PRIM2: variants seen among roughly 807,000 people sequenced by gnomAD.
The protein encoded by PRIM2 is DNA primase large subunit.
In PRIM2, 39 loss-of-function variants were observed where a neutral mutation model predicts 67.3. That is an observed-to-expected ratio of 0.58 (90% CI 0.45 to 0.76). The LOEUF (loss-of-function observed/expected upper bound fraction) is 0.76, where lower values mean the gene tolerates loss of function less well. PRIM2 is among the 30% of genes least tolerant of loss of function. The probability of loss-of-function intolerance (pLI) is 0.00; values close to 1 mark genes in which losing one functional copy is unlikely to be tolerated. For missense variants in PRIM2, 398 were observed against 598.7 expected, an observed-to-expected ratio of 0.66 and a Z score of 3.50; for synonymous variants, 143 against 198.7, an observed-to-expected ratio of 0.72 and a Z score of 2.36.
At chr6:57,340,037 T>G (rs1295801725) in intron 5 of PRIM2, among the ~76,000 whole-genome samples, 1 of 150,326 alleles carries the variant, frequency 6.7e-6, no homozygotes, top group African/African-American at 2.4e-5. Flanking sequence ...CATCAAAAAG[T>G]GGGCAAAGGA....
intron 13 of PRIM2, among the ~76,000 whole-genome samples, chr6:57,643,111 T>C (rs1453899397): frequency 2.0e-5 from 3 of 152,198 alleles, no homozygotes; most frequent in African/African-American, 7.2e-5. Context: ...ATTTCATAGA[T>C]GGAGAAAATC....
intron 7 of PRIM2, among the ~76,000 whole-genome samples, chr6:57,499,969 T>G (rs1275820182): frequency 6.6e-6 from 1 of 152,146 alleles, no homozygotes; most frequent in African/African-American, 2.4e-5. Context: ...TTTAGTTACC[T>G]CTTAGTTAGT....
the PRIM2 span, among the ~76,000 whole-genome samples, chr6:57,292,931 A>G: frequency 6.6e-6 from 1 of 152,248 alleles, no homozygotes; most frequent in Admixed American, 6.5e-5. Context: ...AGGCATGGGT[A>G]AAGACTTCAT....
chr6:57,237,786 T>G, the PRIM2 span, among the ~76,000 whole-genome samples: 6 of 152,268 alleles, frequency 3.9e-5, no homozygotes, highest in Non-Finnish European at 4.4e-5. Context: ...TCTCTGTTTT[T>G]GTACCAGTAC....
At chr6:57,222,111 C>G in the PRIM2 span, 1 of 152,336 alleles carries the variant, frequency 6.6e-6, no homozygotes, top group Non-Finnish European at 1.5e-5. Context: ...CTCCTCCCGA[C>G]GCGCCAGCTC....
At chr6:57,590,868 A>G (rs1244831560) in intron 10 of PRIM2, among the ~76,000 whole-genome samples, 5 of 152,210 alleles carry the variant, frequency 3.3e-5, no homozygotes, top group African/African-American at 1.2e-4. Flanking sequence ...AGTCAACCCT[A>G]TGTGATAGAT....
intron 7 of PRIM2, among the ~76,000 whole-genome samples, chr6:57,394,875 A>T (rs956349497): frequency 7.7e-4 from 117 of 151,932 alleles, no homozygotes; most frequent in African/African-American, 2.8e-3. Context: ...TCATAAAGAG[A>T]TGCTGAATTT....
chr6:57,350,813 A>T (rs911127445), intron 5 of PRIM2, among the ~76,000 whole-genome samples: 1 of 151,998 alleles, frequency 6.6e-6, no homozygotes. Context: ...CGTTTCCTAG[A>T]TGTCATATAT....
chr6:57,428,530 A>G (rs1771707307), intron 7 of PRIM2, among the ~76,000 whole-genome samples: 1 of 152,158 alleles, frequency 6.6e-6, no homozygotes, highest in South Asian at 2.1e-4. Flanking sequence ...TCCCTATTCA[A>G]GTTTTCTCAA....
intron 5 of PRIM2, among the ~76,000 whole-genome samples, chr6:57,326,575 G>T (rs1767867064): frequency 6.6e-6 from 1 of 151,994 alleles, no homozygotes; most frequent in Non-Finnish European, 1.5e-5. Flanking sequence ...ACAAAAATTA[G>T]CCAGGCATGG....
chr6:57,605,300 G>A (rs1231682554), intron 11 of PRIM2, among the ~76,000 whole-genome samples: 2 of 152,106 alleles, frequency 1.3e-5, no homozygotes, highest in Non-Finnish European at 2.9e-5. Flanking sequence ...TTGAGTTAAT[G>A]GGGGGAGTCC....
chr6:57,406,899 G>GTA (rs1248118384), intron 7 of PRIM2, among the ~76,000 whole-genome samples: 1 of 151,628 alleles, frequency 6.6e-6, no homozygotes, highest in Non-Finnish European at 1.5e-5. Context: ...TTTTGTTCAT[G>GTA]TATAAGATTG....
chr6:57,234,497 T>C, the PRIM2 span, among the ~76,000 whole-genome samples: 2 of 152,182 alleles, frequency 1.3e-5, no homozygotes, highest in Non-Finnish European at 2.9e-5. Flanking sequence ...TTTAGTAACT[T>C]GTGTCTGCTG....
chr6:57,527,797 A>G (rs1358208262), intron 8 of PRIM2, among the ~76,000 whole-genome samples: 1 of 152,180 alleles, frequency 6.6e-6, no homozygotes, highest in Non-Finnish European at 1.5e-5. Context: ...ATGCAGACAT[A>G]AGTAAGCCTT....
intron 10 of PRIM2, among the ~76,000 whole-genome samples, chr6:57,543,075 G>A (rs1581980613): frequency 6.7e-6 from 1 of 148,564 alleles, no homozygotes; most frequent in Admixed American, 6.7e-5. Context: ...GAGTAGCTGG[G>A]ACTACAGGCG....
chr6:57,476,656 A>G (rs1343244327), intron 7 of PRIM2, among the ~76,000 whole-genome samples: 2 of 152,240 alleles, frequency 1.3e-5, no homozygotes, highest in Admixed American at 6.5e-5. Flanking sequence ...GTATACTTAT[A>G]GTACTCTTTG....
At chr6:57,559,831 A>G (rs1213699783) in intron 10 of PRIM2, among the ~76,000 whole-genome samples, 1 of 152,226 alleles carries the variant, frequency 6.6e-6, no homozygotes, top group African/African-American at 2.4e-5. Context: ...ATTTAAAAAT[A>G]CATTTTTTGT....
chr6:57,616,239 C>T (rs1200374517), intron 12 of PRIM2, among the ~76,000 whole-genome samples: 1 of 152,192 alleles, frequency 6.6e-6, no homozygotes, highest in Non-Finnish European at 1.5e-5. Flanking sequence ...GGAGGCTTTA[C>T]ACAAATAAAC....
At chr6:57,509,394 G>A (rs1554347510) in intron 8 of PRIM2, among the ~76,000 whole-genome samples, 3 of 152,106 alleles carry the variant, frequency 2.0e-5, no homozygotes, top group African/African-American at 4.8e-5. Context: ...CCCACCTGCC[G>A]CATTCAACTC....
Sources: gnomAD v4.1 joint callset for allele counts (sites outside exome capture counted in the v4.1 genomes callset) on GRCh38, gnomAD v4.1.1 for gene constraint, MANE v1.5 for transcripts, NCBI Gene and HGNC (gene_info 2026-07-23, HGNC 2026-07-21) for gene names.